The following CHRNG variants were observed in gnomAD, a reference collection of about 807,000 sequenced individuals.
The protein encoded by CHRNG is acetylcholine receptor subunit gamma.
In CHRNG, 72 loss-of-function variants were observed where a neutral mutation model predicts 65.2. The observed-to-expected ratio is 1.10, with a 90% CI of 0.91 to 1.34. The LOEUF is 1.34. Among genes scored for constraint, CHRNG ranks in the 40% most tolerant of loss-of-function variants. The pLI, the probability that CHRNG is intolerant of heterozygous loss-of-function variation, is 0.00. For synonymous variants in CHRNG, 284 were observed against 290.2 expected, an observed-to-expected ratio of 0.98 and a Z score of 0.22; for missense variants, 637 against 680.1, an observed-to-expected ratio of 0.94 and a Z score of 0.70.
Position 232,541,382 on chromosome 2 carries a change from G to C in CHRNG, c.359G>C (p.Gly120Ala). 2 of 1,614,090 alleles carry C rather than the reference G, an allele frequency of 1.2e-6. No homozygotes were observed. The highest frequency in any genetic ancestry group is 8.5e-7 in the Non-Finnish European group (1 of 1,179,986). Reference sequence around the variant, plus strand: ...CTGTTCTGTGCATACAGCGTGGACGGTGTCTTCGAGGTGGCCCTCTACTGC... The same window carrying C: ...CTGTTCTGTGCATACAGCGTGGACGCTGTCTTCGAGGTGGCCCTCTACTGC... Reference protein sequence around the residue: ...PDIVLENNVDGVFEVALYCNV... With the variant: ...PDIVLENNVDAVFEVALYCNV... The change falls in exon 5 of 12, where the codon GGT becomes GCT. Residue 120 changes from glycine to alanine, a missense_variant. By Grantham distance (60) the Gly-to-Ala change is moderately conservative. Coordinates refer to ENST00000651502, the MANE Select transcript of CHRNG (RefSeq NM_005199.5). The surrounding 1 kb of genome is among the most constrained non-coding windows in gnomAD (Gnocchi z 4.0).
chr2:232,545,462 T>G, intron 11 of CHRNG, 81 bp from the exon 12 acceptor site: 1 of 1,294,304 alleles, frequency 7.7e-7, no homozygotes, highest in Non-Finnish European at 1.1e-6. Flanking sequence ...ATGGGCCTGC[T>G]GGAAGCCCAA....
In CHRNG at chr2:232,544,385, C is replaced by G; in HGVS notation, c.1054C>G (p.Pro352Ala). ...TCTCTAGGTGTTCCTGAGGCTCTTG[C>G]CCCAGCTGCTGAGGATGCACGTTCG... ...GVRKVFLRLLPQLLRMHVRPL... is the reference protein window; with the variant it reads ...GVRKVFLRLLAQLLRMHVRPL... The change falls in exon 10 of 12, where the codon CCC (proline) becomes GCC (alanine). Residue 352 changes from proline (P) to alanine (A), a missense_variant. Physicochemically the swap from Pro to Ala is conservative, Grantham distance 27. Coordinates refer to ENST00000651502, the MANE Select transcript of CHRNG (RefSeq NM_005199.5). 1 of 1,613,332 alleles carries G rather than the reference C, an allele frequency of 6.2e-7. No individual in the cohort carries two copies. The highest frequency in any genetic ancestry group is 8.5e-7 in the Non-Finnish European group (1 of 1,179,970).
At position 232,540,149 on chromosome 2, in the gene CHRNG, G is replaced by A. The variant is rs1691985995; in HGVS notation, c.195+18G>A. ...TCTCCCTGGTAAGCCGCAGGACGGA[G>A]GAGGGGTCAGCGCACCACGCCCTGG... On this transcript the variant is annotated intron_variant, in intron 2 of 11. Coordinates refer to ENST00000651502, the MANE Select transcript of CHRNG (RefSeq NM_005199.5). The surrounding 1 kb of genome is among the most constrained non-coding windows in gnomAD (Gnocchi z 4.2). 1.2e-6 allele frequency: 2 copies of A among 1,614,166 alleles called. No individual in the cohort carries two copies. The highest frequency in any genetic ancestry group is 1.7e-5 in the Admixed American group (1 of 60,036).
At chr2:232,543,486 C>CCCG in intron 8 of CHRNG, 97 bp downstream of exon 8, 3 of 1,182,716 alleles carry the variant, frequency 2.5e-6, no homozygotes, top group Non-Finnish European at 2.4e-6. Flanking sequence ...ATCCACCCCC[C>CCCG]CCATCCTCAA....
intron 6 of CHRNG, 88 bp downstream of exon 6, chr2:232,542,608 C>T: frequency 1.1e-6 from 1 of 888,646 alleles, no homozygotes; most frequent in South Asian, 1.4e-5. Flanking sequence ...AAGGTCAAAT[C>T]CCTCCCATGT....
intron 1 of CHRNG, 43 bp from the exon 2 acceptor site, chr2:232,539,949 T>C: frequency 1.9e-6 from 3 of 1,613,682 alleles, no homozygotes; most frequent in Non-Finnish European, 2.5e-6. Context: ...CCCCGCTCTT[T>C]CCACCTCCAA....
rs1253272475 is a variant in CHRNG at position 232,540,273 on chromosome 2, G to A, written c.196-108G>A. On this transcript the variant is annotated intron_variant, in intron 2 of 11. Transcript: ENST00000651502. This position sits in a 1 kb window ranked among gnomAD's most constrained non-coding sequence, Gnocchi z 4.2. ...TCTGGAAAACCCCCATGGTTGTGGGGGGAGTACTATCAAGAGGCTGGGGGA... is the reference window on the plus strand; with the variant it reads ...TCTGGAAAACCCCCATGGTTGTGGGAGGAGTACTATCAAGAGGCTGGGGGA... The A allele has an allele frequency of 3.1e-6, 5 of 1,598,358 alleles. No individual in the cohort carries two copies. The highest frequency in any genetic ancestry group is 4.3e-6 in the Non-Finnish European group (5 of 1,166,290).
chr2:232,541,572 A>T lies in CHRNG; in HGVS notation c.506+43A>T, dbSNP rs1692018481. 1 of 1,607,464 alleles carries T rather than the reference A, an allele frequency of 6.2e-7. No individual in the cohort carries two copies. The highest frequency in any genetic ancestry group is 8.5e-7 in the Non-Finnish European group (1 of 1,179,116). The stretch of plus-strand genomic sequence containing the variant: ...GGAGGATTAAGAGAGCTGCTCTCAG[A>T]GGGGCCTGGGCAGTGGTGGGGTAAG... On this transcript the variant is annotated intron_variant, in intron 5 of 11. Coordinates refer to ENST00000651502, the MANE Select transcript of CHRNG (RefSeq NM_005199.5). The surrounding 1 kb of genome is among the most constrained non-coding windows in gnomAD (Gnocchi z 4.0).
chr2:232,540,048 G>C lies in CHRNG; in HGVS notation c.112G>C (p.Asp38His). The change falls in exon 2 of 12, where the codon GAC (aspartate) becomes CAC (histidine). Residue 38 changes from aspartate to histidine, a missense_variant. Transcript: ENST00000651502. The surrounding 1 kb of genome is among the most constrained non-coding windows in gnomAD (Gnocchi z 4.2). ...RLLADLMQNY[D>H]PNLRPAERDS... ...GCTCGCAGACCTGATGCAAAACTACGACCCCAACCTGCGGCCCGCGGAACG... is the reference window on the plus strand; with the variant it reads ...GCTCGCAGACCTGATGCAAAACTACCACCCCAACCTGCGGCCCGCGGAACG... 5.0e-6 allele frequency: 8 copies of C among 1,614,188 alleles called. No individual in the cohort carries two copies. The highest frequency in any genetic ancestry group is 6.8e-6 in the Non-Finnish European group (8 of 1,180,014).
rs772361565 is a variant in CHRNG, at chr2:232,547,668, G to A, written c.*1952G>A. Among the ~76,000 whole-genome samples, 5 of 152,216 alleles carry A rather than the reference G, an allele frequency of 3.3e-5. No homozygotes were observed. Among genetic ancestry groups the A allele is most frequent in the Non-Finnish European group, 2.9e-5 (2 of 68,038 alleles). On this transcript the variant is annotated 3_prime_UTR_variant, in exon 12 of 12. Coordinates refer to ENST00000651502, the MANE Select transcript of CHRNG (RefSeq NM_005199.5). ...GCTATAGAGAACTAGAGGAGTTAGG[G>A]AGAGTGGGGGAGAACTTCAATCAGG...
At position 232,541,314 on chromosome 2, in the gene CHRNG, G is replaced by C; in HGVS notation, c.351-60G>C. ...ACATGGGGCACAGGGGCTGGTCTGG[G>C]GCTGGGGTGTCGGGGGCTGAGCCCA... On this transcript the variant is annotated intron_variant, in intron 4 of 11. Transcript: ENST00000651502. The surrounding 1 kb of genome is among the most constrained non-coding windows in gnomAD (Gnocchi z 4.0). 2.5e-6 allele frequency: 4 copies of C among 1,608,908 alleles called. No individual in the cohort carries two copies. The highest frequency in any genetic ancestry group is 3.4e-6 in the Non-Finnish European group (4 of 1,176,630).
chr2:232,542,555 A>C, intron 6 of CHRNG, 35 bp downstream of exon 6: 50 of 1,430,540 alleles, frequency 3.5e-5, no homozygotes, highest in Non-Finnish European at 4.3e-5. Flanking sequence ...AGGCAGCCTC[A>C]TCCAGGGCTC....
chr2:232,543,803 C>T, intron 9 of CHRNG, 104 bp downstream of exon 9: 1 of 757,420 alleles, frequency 1.3e-6, no homozygotes, highest in Non-Finnish European at 2.3e-6. Flanking sequence ...ACAGCACACC[C>T]ATCCTGGGCG....
intron 11 of CHRNG, 57 bp downstream of exon 11, chr2:232,544,959 A>G: frequency 6.2e-7 from 1 of 1,610,030 alleles, no homozygotes; most frequent in Non-Finnish European, 8.5e-7. Context: ...TGGAACCGTG[A>G]TAGAGACAGG....
At chr2:232,542,811 G>A in intron 6 of CHRNG, 71 bp from the exon 7 acceptor site, 1 of 1,391,702 alleles carries the variant, frequency 7.2e-7, no homozygotes, top group Non-Finnish European at 1.0e-6. Flanking sequence ...TTGCAGCTGG[G>A]TCACTCGGCT....
rs1203855278 is a variant in CHRNG at position 232,546,217 on chromosome 2, C to A, written c.*501C>A. On this transcript the variant is annotated 3_prime_UTR_variant, in exon 12 of 12. Transcript: ENST00000651502. ...CCCCGTGCCTTCTGGGTACAATAAGCACCCAATTCTCAACAGCCCCAGTGG... is the reference window on the plus strand; with the variant it reads ...CCCCGTGCCTTCTGGGTACAATAAGAACCCAATTCTCAACAGCCCCAGTGG... The A allele has an allele frequency of 1.6e-5, 3 of 182,316 alleles. No individual in the cohort carries two copies. The highest frequency in any genetic ancestry group is 3.5e-5 in the Non-Finnish European group (3 of 85,124). 11.3% of individuals were successfully genotyped at this position (182,316 alleles called of 1,614,324 possible).
chr2:232,545,997 C>A lies in CHRNG; in HGVS notation c.*281C>A. 1.8e-6 allele frequency: 1 copy of A among 554,142 alleles called. No homozygotes were observed. The highest frequency in any genetic ancestry group is 3.3e-6 in the Non-Finnish European group (1 of 305,576). 34.3% of individuals were successfully genotyped at this position (554,142 alleles called of 1,614,324 possible). On this transcript the variant is annotated 3_prime_UTR_variant, in exon 12 of 12. Coordinates refer to ENST00000651502, the MANE Select transcript of CHRNG (RefSeq NM_005199.5). ...CCACCCCTCCACTCAGTGCACTCCC[C>A]TCACTTAGGCAAAGCATTATTCATT...
chr2:232,540,303 T>C lies in CHRNG; in HGVS notation c.196-78T>C. On this transcript the variant is annotated intron_variant, in intron 2 of 11. Transcript: ENST00000651502. This position sits in a 1 kb window ranked among gnomAD's most constrained non-coding sequence, Gnocchi z 4.2. ...TACTATCAAGAGGCTGGGGGATGCTTGGCCCCATTGGTGGCCTGTGGGGAC... is the reference window on the plus strand; with the variant it reads ...TACTATCAAGAGGCTGGGGGATGCTCGGCCCCATTGGTGGCCTGTGGGGAC... 2 of 1,600,238 alleles carry C rather than the reference T, an allele frequency of 1.2e-6. No individual in the cohort carries two copies. The highest frequency in any genetic ancestry group is 1.7e-6 in the Non-Finnish European group (2 of 1,167,582).
In CHRNG at chr2:232,544,878, G is replaced by A. The variant is rs758536494; in HGVS notation, c.1356G>A (p.Arg452=). ...CCTGCAACCTCATTGCCTGTGCCCG[G>A]CACCAGCAGAGTCACTTTGACAATG... The part of the protein sequence containing the change: ...VEACNLIACA[R]HQQSHFDNGN... Residue 452 remains arginine, a synonymous_variant, in exon 11 of 12, where the codon CGG becomes CGA. Transcript: ENST00000651502. 25 of 1,613,898 alleles carry A rather than the reference G, an allele frequency of 1.5e-5. No individual in the cohort carries two copies. The East Asian group carries it at 5.1e-4, about 33-fold the overall frequency.
Sources: gnomAD v4.1 joint callset for allele counts (sites outside exome capture counted in the v4.1 genomes callset) on GRCh38, gnomAD v4.1.1 for gene constraint, Gnocchi (gnomAD v3.1) non-coding constraint, MANE v1.5 for transcripts, NCBI Gene and HGNC (gene_info 2026-07-23, HGNC 2026-07-21) for gene names.